Variants in TESC observed in about 807,000 individuals in gnomAD.
The protein encoded by TESC is tescalcin.
Under a neutral mutation model 31.0 loss-of-function variants are expected in TESC, and 19 were observed. The ratio of observed to expected loss-of-function variants is 0.61; its 90% confidence interval spans 0.43 to 0.90. The LOEUF (loss-of-function observed/expected upper bound fraction) is 0.90, where lower values mean the gene tolerates loss of function less well. TESC is among the 40% of genes least tolerant of loss of function. The probability of loss-of-function intolerance (pLI) is 0.00; values close to 1 mark genes in which losing one functional copy is unlikely to be tolerated. For synonymous variants in TESC, 109 were observed against 114.8 expected (o/e 0.95, Z 0.32); for missense variants, 248 against 303.8 (o/e 0.82, Z 1.36).
In TESC at chr12:117,067,900, C is replaced by CT. The variant is rs200047271; in HGVS notation, c.128+7370dup. Among the ~76,000 whole-genome samples the CT allele has an allele frequency of 6.6e-3, 997 of 152,086 alleles. 12 individuals carry two copies. The highest frequency in any genetic ancestry group is 0.023 in the African/African-American group (952 of 41,508). On this transcript the variant is annotated intron_variant, in intron 2 of 7. Coordinates refer to ENST00000335209, the MANE Select transcript of TESC (RefSeq NM_017899.4). ...TCCCATTTCTGCTCACAACCCCGTG[C>CT]TTTTTTTTCTTTTTGAGACAGTCTT...
At chr12:117,061,157 G>A (rs1442320378) in intron 2 of TESC, among the ~76,000 whole-genome samples, 3 of 152,198 alleles carry the variant, frequency 2.0e-5, no homozygotes, top group Admixed American at 6.5e-5. Context: ...TGCTCAGCAC[G>A]GTGTCTGGTG....
intron 1 of TESC, among the ~76,000 whole-genome samples, chr12:117,091,414 A>G (rs1955305828): frequency 6.6e-6 from 1 of 152,244 alleles, no homozygotes; most frequent in Admixed American, 6.5e-5. Context: ...ACTGGGCCGT[A>G]TGGCATGTCT....
At chr12:117,058,923 G>A (rs1396488720) in intron 2 of TESC, among the ~76,000 whole-genome samples, 1 of 152,158 alleles carries the variant, frequency 6.6e-6, no homozygotes, top group Admixed American at 6.5e-5. Context: ...TTTCACAGAA[G>A]GCCATCCTGG....
chr12:117,081,059 G>C (rs995990238), intron 1 of TESC, among the ~76,000 whole-genome samples: 1 of 152,194 alleles, frequency 6.6e-6, no homozygotes, highest in Admixed American at 6.5e-5. Flanking sequence ...ATGCACACCA[G>C]TCCATGGGGC....
chr12:117,084,630 G>A (rs1168524701), intron 1 of TESC, among the ~76,000 whole-genome samples: 1 of 152,208 alleles, frequency 6.6e-6, no homozygotes, highest in Non-Finnish European at 1.5e-5. Context: ...AGGGTAGGGG[G>A]TCAAGGACAA....
chr12:117,042,204 A>G (rs1451247803), intron 6 of TESC, among the ~76,000 whole-genome samples: 1 of 152,156 alleles, frequency 6.6e-6, no homozygotes, highest in Non-Finnish European at 1.5e-5. Flanking sequence ...ATCCTCATTC[A>G]TGGGCTTGAG....
intron 1 of TESC, among the ~76,000 whole-genome samples, chr12:117,088,452 G>A (rs899593401): frequency 2.0e-5 from 3 of 152,078 alleles, no homozygotes; most frequent in African/African-American, 7.2e-5. Context: ...AGACTGAGGC[G>A]GGTGCATCAC....
intron 3 of TESC, among the ~76,000 whole-genome samples, chr12:117,055,976 G>A (rs781292086): frequency 9.6e-5 from 14 of 146,074 alleles, no homozygotes; most frequent in African/African-American, 3.6e-4. Flanking sequence ...GCTGGAGTGC[G>A]GTGGCATAAT....
At chr12:117,072,181 C>A (rs746446866) in intron 2 of TESC, among the ~76,000 whole-genome samples, 2 of 152,162 alleles carry the variant, frequency 1.3e-5, no homozygotes, top group African/African-American at 4.8e-5. Context: ...TCAGATTAGA[C>A]CCTCAGGATG....
chr12:117,098,311 C>G (rs1254117212), intron 1 of TESC: 1 of 152,534 alleles, frequency 6.6e-6, no homozygotes, highest in Non-Finnish European at 1.5e-5. Flanking sequence ...AAGTGACTAG[C>G]CCAAGGTCAC....
Position 117,038,932 on chromosome 12 carries a change from A to C in TESC, c.*201T>G, listed in dbSNP as rs1380515041. ...ACTGACAGAGGCCACATTAATTAAC[A>C]AACCTTTTTTTTTTTTTTATTGGAG... On this transcript the variant is annotated 3_prime_UTR_variant, in exon 8 of 8. Transcript: ENST00000335209. 2 of 563,790 alleles carry C rather than the reference A, an allele frequency of 3.5e-6. No homozygotes were observed. Among genetic ancestry groups the C allele is most frequent in the Non-Finnish European group, 6.2e-6 (2 of 323,062 alleles). The allele number at this position is 563,790 out of a possible 1,614,324, so 34.9% of individuals were successfully genotyped here.
chr12:117,061,232 G>A (rs990684526), intron 2 of TESC, among the ~76,000 whole-genome samples: 5 of 152,198 alleles, frequency 3.3e-5, no homozygotes, highest in African/African-American at 7.2e-5. Flanking sequence ...ACAGCACCCC[G>A]TCCTCAGTGC....
intron 1 of TESC, among the ~76,000 whole-genome samples, chr12:117,087,686 C>T (rs530716808): frequency 1.1e-4 from 17 of 152,264 alleles, no homozygotes; most frequent in Admixed American, 1.0e-3. Context: ...TAATAACCAC[C>T]ATGTGCTTTA....
intron 6 of TESC, among the ~76,000 whole-genome samples, chr12:117,046,122 G>A (rs914416079): frequency 6.6e-6 from 1 of 152,170 alleles, no homozygotes; most frequent in Non-Finnish European, 1.5e-5. Context: ...ATCGGCTCTT[G>A]TCAGCCCCCA....
At chr12:117,093,505 T>A (rs746837595) in intron 1 of TESC, among the ~76,000 whole-genome samples, 2 of 152,226 alleles carry the variant, frequency 1.3e-5, no homozygotes, top group Non-Finnish European at 2.9e-5. Context: ...GCGAACCCCC[T>A]GCCTTGGCCT....
intron 6 of TESC, 59 bp from the exon 7 acceptor site, chr12:117,042,053 A>AG: frequency 6.5e-7 from 1 of 1,536,206 alleles, no homozygotes; most frequent in African/African-American, 1.4e-5. Flanking sequence ...CAGCTTCCGC[A>AG]GGGGGACGGT....
At chr12:117,099,154 G>A in intron 1 of TESC, 71 bp downstream of exon 1, 2 of 1,421,364 alleles carry the variant, frequency 1.4e-6, no homozygotes, top group Non-Finnish European at 1.8e-6. Flanking sequence ...GCGGCGGCGG[G>A]CCGGGGTCCC....
chr12:117,095,413 C>G (rs886527839), intron 1 of TESC, among the ~76,000 whole-genome samples: 2 of 152,118 alleles, frequency 1.3e-5, no homozygotes, highest in African/African-American at 2.4e-5. Flanking sequence ...GGCTCCCGTA[C>G]GTAAACACCT....
At chr12:117,095,325 G>A (rs1955376751) in intron 1 of TESC, among the ~76,000 whole-genome samples, 2 of 152,078 alleles carry the variant, frequency 1.3e-5, no homozygotes, top group Admixed American at 1.3e-4. Flanking sequence ...TACCTGCCTT[G>A]GCCTCCCAAA....
Sources: gnomAD v4.1 joint callset for allele counts (sites outside exome capture counted in the v4.1 genomes callset) on GRCh38, gnomAD v4.1.1 for gene constraint, MANE v1.5 for transcripts, NCBI Gene and HGNC (gene_info 2026-07-23, HGNC 2026-07-21) for gene names.